Variants in DENND1A observed in about 807,000 individuals in gnomAD.
DENND1A encodes the protein DENN domain-containing protein 1A.
A neutral mutation model predicts 113.7 loss-of-function variants in DENND1A; 51 were observed. That is an observed-to-expected ratio of 0.45 (90% CI 0.36 to 0.57). DENND1A has a LOEUF of 0.57. Ranked by LOEUF, DENND1A falls within the 20% of genes least tolerant of loss-of-function variation. The pLI, the probability that DENND1A is intolerant of heterozygous loss-of-function variation, is 0.00. For missense variants in DENND1A, 1,258 were observed against 1,395.9 expected, an observed-to-expected ratio of 0.90 and a Z score of 1.57; for synonymous variants, 565 against 570.8, an observed-to-expected ratio of 0.99 and a Z score of 0.14.
Position 123,414,684 on chromosome 9 carries a change from C to G in DENND1A, c.1489-2855G>C, listed in dbSNP as rs539286402. ...ACTCTTTTTTAAAAAGTCCTATTTC[C>G]CAAGTTTATTTGAACATAGACTTGC... On this transcript the variant is annotated intron_variant, in intron 19 of 23. Transcript: ENST00000394215. The G allele has an allele frequency of 1.1e-5, 16 of 1,475,368 alleles. 1 individual carries two copies. The South Asian group carries it at 1.6e-4, about 15-fold the overall frequency. 91.4% of individuals were successfully genotyped at this position (1,475,368 alleles called of 1,614,324 possible).
chr9:123,402,379 G>C, intron 21 of DENND1A: 1 of 393,458 alleles, frequency 2.5e-6, no homozygotes, highest in Non-Finnish European at 5.1e-6. Flanking sequence ...GAGAGCTGAA[G>C]TGAACTGCAA....
Position 123,897,525 on chromosome 9 carries a change from A to T in DENND1A, c.18-18504T>A, listed in dbSNP as rs112253031. 2.9e-3 allele frequency among the ~76,000 whole-genome samples: 441 copies of T among 152,332 alleles called. 2 individuals are homozygous for T. Among genetic ancestry groups the T allele is most frequent in the African/African-American group, 9.2e-3 (382 of 41,578 alleles). ...CCTCTCACTGCGAAGCCCAGACTAC[A>T]TACACAATCATGGGAAGTACACAGC... On this transcript the variant is annotated intron_variant, in intron 1 of 23. Coordinates refer to ENST00000394215, the MANE Select transcript of DENND1A (RefSeq NM_001352964.2).
chr9:123,851,157 T>TC (rs1377433823), intron 2 of DENND1A, among the ~76,000 whole-genome samples: 2 of 152,198 alleles, frequency 1.3e-5, no homozygotes, highest in Non-Finnish European at 1.5e-5. Flanking sequence ...TTCTTTGTGC[T>TC]CCTCCGTAAT....
rs915612691 is a variant in DENND1A at position 123,728,752 on chromosome 9, T to C, written c.302+28951A>G. 1.3e-4 allele frequency among the ~76,000 whole-genome samples: 20 copies of C among 152,230 alleles called. No individual in the cohort carries two copies. The East Asian group carries it at 3.5e-3, about 26-fold the overall frequency. On this transcript the variant is annotated intron_variant, in intron 5 of 23. Transcript: ENST00000394215. ...CACGATTAAGACAGTATAGTATTGA[T>C]AGATACATAGATGCTACATCAGCAT...
At chr9:123,809,176 C>A (rs972762294) in intron 2 of DENND1A, among the ~76,000 whole-genome samples, 1 of 152,164 alleles carries the variant, frequency 6.6e-6, no homozygotes, top group African/African-American at 2.4e-5. Flanking sequence ...TGCACTGCCC[C>A]CTGCATGTTC....
intron 11 of DENND1A, among the ~76,000 whole-genome samples, chr9:123,583,945 C>T (rs925691871): frequency 5.3e-5 from 8 of 152,152 alleles, no homozygotes; most frequent in Non-Finnish European, 1.0e-4. Flanking sequence ...AAGGGATGAA[C>T]GGACAATATG....
At chr9:123,414,690 T>G in intron 19 of DENND1A, 2 of 1,436,836 alleles carry the variant, frequency 1.4e-6, no homozygotes, top group South Asian at 2.5e-5. Context: ...TTTCCCAAGT[T>G]TATTTGAACA....
intron 12 of DENND1A, among the ~76,000 whole-genome samples, chr9:123,572,205 A>G (rs1340697423): frequency 6.6e-6 from 1 of 152,204 alleles, no homozygotes; most frequent in Non-Finnish European, 1.5e-5. Flanking sequence ...GTTCCAGAAT[A>G]CAAAATAAAT....
intron 21 of DENND1A, among the ~76,000 whole-genome samples, chr9:123,391,625 G>A (rs1184284431): frequency 1.3e-5 from 2 of 152,014 alleles, no homozygotes; most frequent in Non-Finnish European, 2.9e-5. Flanking sequence ...GAAAGGTGAG[G>A]TTTCAAAATA....
chr9:123,604,264 T>G (rs549120220), intron 11 of DENND1A, among the ~76,000 whole-genome samples: 1 of 152,320 alleles, frequency 6.6e-6, no homozygotes, highest in East Asian at 1.9e-4. Flanking sequence ...ATTCTTCTAT[T>G]TATCTACTAG....
chr9:123,591,983 G>A (rs561342855), intron 11 of DENND1A, among the ~76,000 whole-genome samples: 8 of 152,200 alleles, frequency 5.3e-5, no homozygotes, highest in Non-Finnish European at 1.0e-4. Flanking sequence ...TTCAAGCCCT[G>A]CTTCTGTACT....
At position 123,757,803 on chromosome 9, in the gene DENND1A, C is replaced by A. The variant is rs1589960961; in HGVS notation, c.202G>T (p.Gly68Cys). Residue 68 changes from glycine (G) to cysteine (C), a missense_variant, in exon 5 of 24, where the codon GGC (glycine) becomes TGC (cysteine). Transcript: ENST00000394215. ...GTGAGCACGAATGTGAAGTTCTGGC[C>A]AACTTGGCTAACTGTGAGGCTGCAG... Reference protein sequence around the residue: ...YVDSLTVSQVGQNFTFVLTDI... With the variant: ...YVDSLTVSQVCQNFTFVLTDI... The A allele has an allele frequency of 6.2e-7, 1 of 1,613,832 alleles. No individual in the cohort carries two copies. Among genetic ancestry groups the A allele is most frequent in the East Asian group, 2.2e-5 (1 of 44,826 alleles).
intron 21 of DENND1A, among the ~76,000 whole-genome samples, chr9:123,390,756 C>T (rs1187764450): frequency 1.3e-5 from 2 of 152,266 alleles, no homozygotes; most frequent in Non-Finnish European, 2.9e-5. Context: ...GCCTCACCCT[C>T]TCCTGTGAGC....
At chr9:123,495,142 TC>T (rs2051776741) in intron 13 of DENND1A, among the ~76,000 whole-genome samples, 2 of 4,706 alleles carry the variant, frequency 4.2e-4, no homozygotes, top group Non-Finnish European at 4.0e-3. Flanking sequence ...ATTGTCTCTT[TC>T]TCTCTCTCTC....
At chr9:123,815,880 A>G (rs1837377027) in intron 2 of DENND1A, among the ~76,000 whole-genome samples, 1 of 152,132 alleles carries the variant, frequency 6.6e-6, no homozygotes, top group Non-Finnish European at 1.5e-5. Context: ...CAACTGCTAT[A>G]ATAACTCAAA....
chr9:123,573,439 A>C (rs76580927), intron 12 of DENND1A, among the ~76,000 whole-genome samples: 1 of 152,146 alleles, frequency 6.6e-6, no homozygotes, highest in African/African-American at 2.4e-5. Context: ...AACATGGAAT[A>C]GCTCTCCATT....
intron 13 of DENND1A, among the ~76,000 whole-genome samples, chr9:123,504,120 A>C (rs2052715385): frequency 6.6e-6 from 1 of 152,144 alleles, no homozygotes; most frequent in South Asian, 2.1e-4. Flanking sequence ...TGCTGCAAGC[A>C]CACAGAAATG....
chr9:123,864,686 T>C (rs549756757), intron 2 of DENND1A, among the ~76,000 whole-genome samples: 62 of 152,060 alleles, frequency 4.1e-4, no homozygotes, highest in African/African-American at 1.5e-3. Flanking sequence ...CTGCCGCTAA[T>C]ATAAATGCCC....
At chr9:123,533,679 T>C (rs1401842218) in intron 13 of DENND1A, among the ~76,000 whole-genome samples, 1 of 152,168 alleles carries the variant, frequency 6.6e-6, no homozygotes, top group African/African-American at 2.4e-5. Flanking sequence ...GGGGGACCCA[T>C]TGGAGATGCT....
Sources: gnomAD v4.1 joint callset for allele counts (sites outside exome capture counted in the v4.1 genomes callset) on GRCh38, gnomAD v4.1.1 for gene constraint, MANE v1.5 for transcripts, NCBI Gene and HGNC (gene_info 2026-07-23, HGNC 2026-07-21) for gene names.